MS4A4E: variants seen among roughly 807,000 people sequenced by gnomAD.
MS4A4E encodes the protein membrane spanning 4-domains A4E, also known as putative membrane-spanning 4-domains subfamily A member 4E.
A neutral mutation model predicts 13.3 loss-of-function variants in MS4A4E; 23 were observed. That is an observed-to-expected ratio of 1.73 (90% confidence interval 1.25 to 2.45). The LOEUF (loss-of-function observed/expected upper bound fraction) is 2.45, where lower values mean the gene tolerates loss of function less well. Ranked by LOEUF, MS4A4E falls within the 30% of genes most tolerant of loss-of-function variation. The pLI is 0.00. For missense variants in MS4A4E, 144 were observed against 131.2 expected (o/e 1.10, Z -0.48); for synonymous variants, 36 against 45.6 (o/e 0.79, Z 0.85).
Position 60,200,662 on chromosome 11 carries a change from C to G in MS4A4E, c.*881G>C, listed in dbSNP as rs1419314647. The stretch of plus-strand genomic sequence containing the variant: ...CAGAAGAATTTTTCTTAGTACAGAA[C>G]AAAATGAAAAGTCTCCCATGTCTAC... On this transcript the variant is annotated 3_prime_UTR_variant, in exon 9 of 9. Coordinates refer to ENST00000651255, the MANE Select transcript of MS4A4E (RefSeq NM_001393391.1). Among the ~76,000 whole-genome samples, 23 of 152,326 alleles carry G rather than the reference C, an allele frequency of 1.5e-4. No homozygotes were observed. The highest frequency in any genetic ancestry group is 1.5e-3 in the Admixed American group (23 of 15,308).
intron 1 of MS4A4E, among the ~76,000 whole-genome samples, chr11:60,235,195 T>G (rs1224890244): frequency 3.9e-5 from 6 of 152,292 alleles, no homozygotes; most frequent in Non-Finnish European, 4.4e-5. Flanking sequence ...CATGACTCAC[T>G]GCAGCCTTGA....
chr11:60,208,451 A>G lies in MS4A4E; in HGVS notation c.483+142T>C, dbSNP rs567704009. ...TCATAAGATCCTGAACCAAGGACCC[A>G]CATCCACTGGGCCCAGACTCTTGAT... On this transcript the variant is annotated intron_variant, in intron 6 of 8. Transcript: ENST00000651255. 1.4e-5 allele frequency: 4 copies of G among 289,956 alleles called. No homozygotes were observed. The South Asian group carries it at 5.9e-4, about 43-fold the overall frequency. The allele number at this position is 289,956 out of a possible 1,614,324, so 18.0% of individuals were successfully genotyped here. A position where few individuals can be genotyped will look rare whatever the true frequency, so the allele number is the denominator to read the frequency against.
At chr11:60,204,650 C>T (rs2084018545) in intron 8 of MS4A4E, among the ~76,000 whole-genome samples, 1 of 152,178 alleles carries the variant, frequency 6.6e-6, no homozygotes, top group South Asian at 2.1e-4. Flanking sequence ...AGATGCTCAT[C>T]CATGAAATCA....
intron 4 of MS4A4E, among the ~76,000 whole-genome samples, chr11:60,214,272 T>C (rs2084161917): frequency 6.6e-6 from 1 of 152,168 alleles, no homozygotes; most frequent in Admixed American, 6.5e-5. Context: ...GTGACTGTCA[T>C]GGGCTGAATC....
intron 6 of MS4A4E, 91 bp downstream of exon 6, chr11:60,208,502 G>T: frequency 2.5e-6 from 1 of 395,880 alleles, no homozygotes; most frequent in Non-Finnish European, 4.6e-6. Context: ...TATAATGAAT[G>T]TGTACTGTGT....
intron 1 of MS4A4E, among the ~76,000 whole-genome samples, chr11:60,233,083 C>T (rs531360112): frequency 1.3e-5 from 2 of 152,178 alleles, no homozygotes; most frequent in East Asian, 3.9e-4. Context: ...TTCTGAGAAA[C>T]CCTGACTCCC....
intron 6 of MS4A4E, 33 bp downstream of exon 6, chr11:60,208,560 T>C (rs553969495): frequency 3.7e-6 from 3 of 805,694 alleles, no homozygotes; most frequent in South Asian, 1.8e-5. Context: ...ACAAAAGTAA[T>C]ACAGATACCT....
At chr11:60,215,083 G>A (rs2084174623) in intron 3 of MS4A4E, among the ~76,000 whole-genome samples, 1 of 151,972 alleles carries the variant, frequency 6.6e-6, no homozygotes, top group Non-Finnish European at 1.5e-5. Flanking sequence ...CATCAATGGG[G>A]CAATTATTTT....
chr11:60,223,277 T>C (rs1039277535), intron 3 of MS4A4E, among the ~76,000 whole-genome samples: 2 of 152,216 alleles, frequency 1.3e-5, no homozygotes, highest in East Asian at 3.8e-4. Context: ...TTCTTTTTTC[T>C]TTACCATGTG....
At chr11:60,221,647 G>T (rs755883662) in intron 3 of MS4A4E, among the ~76,000 whole-genome samples, 2 of 152,204 alleles carry the variant, frequency 1.3e-5, no homozygotes, top group South Asian at 2.1e-4. Flanking sequence ...CTTGGAAGGA[G>T]AAATGGCCAG....
At chr11:60,222,471 AC>A (rs2084281570) in intron 3 of MS4A4E, among the ~76,000 whole-genome samples, 1 of 152,202 alleles carries the variant, frequency 6.6e-6, no homozygotes, top group Non-Finnish European at 1.5e-5. Context: ...CAACCAGGTG[AC>A]AATACTTTTC....
chr11:60,234,107 C>CCTAT (rs1428353299), intron 1 of MS4A4E, among the ~76,000 whole-genome samples: 3 of 152,148 alleles, frequency 2.0e-5, no homozygotes, highest in Non-Finnish European at 4.4e-5. Flanking sequence ...CTATTCTATA[C>CCTAT]CTATCTCACC....
chr11:60,216,380 T>C (rs1362047097), intron 3 of MS4A4E, among the ~76,000 whole-genome samples: 1 of 152,120 alleles, frequency 6.6e-6, no homozygotes, highest in Non-Finnish European at 1.5e-5. Flanking sequence ...ATTCTGATAA[T>C]GGAGTGACCC....
At chr11:60,238,001 G>C (rs1490530855) in intron 1 of MS4A4E, among the ~76,000 whole-genome samples, 2 of 151,584 alleles carry the variant, frequency 1.3e-5, no homozygotes, top group African/African-American at 4.8e-5. Context: ...TTTTTTGAAT[G>C]CTAAATTTTA....
At chr11:60,207,957 A>G (rs1485427974) in intron 6 of MS4A4E, among the ~76,000 whole-genome samples, 1 of 152,214 alleles carries the variant, frequency 6.6e-6, no homozygotes, top group Admixed American at 6.5e-5. Flanking sequence ...GTAATAGGAT[A>G]ATAGAATAAA....
intron 5 of MS4A4E, among the ~76,000 whole-genome samples, chr11:60,209,530 TGA>T (rs749633645): frequency 7.9e-5 from 12 of 152,242 alleles, no homozygotes; most frequent in Non-Finnish European, 1.5e-4. Context: ...TGTATTGTCT[TGA>T]GACACTAAAT....
intron 3 of MS4A4E, among the ~76,000 whole-genome samples, chr11:60,221,264 G>A (rs2084266993): frequency 6.6e-6 from 1 of 152,158 alleles, no homozygotes; most frequent in African/African-American, 2.4e-5. Context: ...GCCAAAAGTG[G>A]GGCATGCACA....
At chr11:60,220,428 C>T (rs2084255604) in intron 3 of MS4A4E, among the ~76,000 whole-genome samples, 1 of 152,228 alleles carries the variant, frequency 6.6e-6, no homozygotes, top group African/African-American at 2.4e-5. Context: ...TTACCTTCAG[C>T]TGGCAAGACC....
chr11:60,209,534 A>G (rs2084092826), intron 5 of MS4A4E, among the ~76,000 whole-genome samples: 1 of 152,222 alleles, frequency 6.6e-6, no homozygotes, highest in Non-Finnish European at 1.5e-5. Flanking sequence ...TTGTCTTGAG[A>G]CACTAAATGA....
Sources: allele counts gnomAD v4.1 joint callset (sites outside exome capture counted in the v4.1 genomes callset), GRCh38; gene constraint gnomAD v4.1.1; transcripts MANE v1.5; gene names NCBI Gene and HGNC (gene_info 2026-07-23, HGNC 2026-07-21).